NALF1: variants seen among roughly 807,000 people sequenced by gnomAD.
The protein encoded by NALF1 is family with sequence similarity 155 member A.
In NALF1, 3 loss-of-function variants were observed where a neutral mutation model predicts 48.4. The observed-to-expected ratio is 0.06, with a 90% confidence interval of 0.03 to 0.16. NALF1 has a LOEUF of 0.16. Among genes scored for constraint, NALF1 ranks in the 10% least tolerant of loss-of-function variants. NALF1 has a pLI of 1.00. For missense variants in NALF1, 526 were observed against 571.5 expected (o/e 0.92, Z 0.81); for synonymous variants, 262 against 245.7 (o/e 1.07, Z -0.62).
rs764699317 is a variant in NALF1 at position 107,866,146 on chromosome 13, CGTCTTTGCCTCGGTT to C, written c.436_450del (p.Asn146_Asp150del). The C allele has an allele frequency of 1.2e-6, 2 of 1,610,556 alleles. No homozygotes were observed. Among genetic ancestry groups the C allele is most frequent in the Non-Finnish European group, 8.5e-7 (1 of 1,178,952 alleles). ...CCTAGAAAAAGAGCCTTGCCCCGGT[CGTCTTTGCCTCGGTT>C]GCCCTTGCCGCCGCCGCCGCCGCCG... On this transcript the variant is annotated inframe_deletion, in exon 1 of 3. Coordinates refer to ENST00000375915, the MANE Select transcript of NALF1 (RefSeq NM_001080396.3). This position sits in a 1 kb window ranked among gnomAD's most constrained non-coding sequence, Gnocchi z 4.4.
At chr13:107,503,196 T>C (rs1038289151) in intron 1 of NALF1, among the ~76,000 whole-genome samples, 6 of 152,238 alleles carry the variant, frequency 3.9e-5, no homozygotes, top group Admixed American at 3.3e-4. Context: ...CATTTGAAAC[T>C]GTGGCCTTTG....
rs1880753151 is a variant in NALF1 at position 107,866,894 on chromosome 13, A to G, written c.-298T>C. 7.2e-6 allele frequency among the ~76,000 whole-genome samples: 1 copy of G among 138,844 alleles called. No individual in the cohort carries two copies. The highest frequency in any genetic ancestry group is 2.5e-5 in the African/African-American group (1 of 40,622). 91.1% of individuals were successfully genotyped at this position (138,844 alleles called of 152,430 possible). On this transcript the variant is annotated 5_prime_UTR_variant, in exon 1 of 3. Coordinates refer to ENST00000375915, the MANE Select transcript of NALF1 (RefSeq NM_001080396.3). This position sits in a 1 kb window ranked among gnomAD's most constrained non-coding sequence, Gnocchi z 4.4. ...CCCATCCTCTGTAGAGTGGGAAACA[A>G]TAATGGAGAGAGAGAGAGAGAGAGA...
intron 1 of NALF1, among the ~76,000 whole-genome samples, chr13:107,561,019 G>A (rs991169612): frequency 2.0e-5 from 3 of 152,038 alleles, no homozygotes; most frequent in Non-Finnish European, 2.9e-5. Context: ...CATTATACAC[G>A]TGTTCTAAGT....
At chr13:107,378,357 G>GTAA (rs1883375396) in intron 1 of NALF1, among the ~76,000 whole-genome samples, 2 of 151,540 alleles carry the variant, frequency 1.3e-5, no homozygotes. Context: ...TTATTACAAT[G>GTAA]TAATTGATTT....
At chr13:107,581,994 T>TA (rs1280400007) in intron 1 of NALF1, among the ~76,000 whole-genome samples, 1 of 152,192 alleles carries the variant, frequency 6.6e-6, no homozygotes, top group African/African-American at 2.4e-5. Flanking sequence ...TACTCCAGAA[T>TA]TATAGGCTTG....
At chr13:107,181,662 T>A (rs1291262266) in intron 2 of NALF1, among the ~76,000 whole-genome samples, 2 of 151,176 alleles carry the variant, frequency 1.3e-5, no homozygotes, top group Non-Finnish European at 3.0e-5. Context: ...GCTTAATCGC[T>A]ATTTTAATGT....
intron 2 of NALF1, among the ~76,000 whole-genome samples, chr13:107,172,888 A>AG (rs1878835177): frequency 6.6e-6 from 1 of 152,202 alleles, no homozygotes; most frequent in Admixed American, 6.5e-5. Context: ...CAGTCATCGC[A>AG]GAAAAAAAAA....
chr13:107,524,076 C>A (rs1046765112), intron 1 of NALF1, among the ~76,000 whole-genome samples: 1 of 152,094 alleles, frequency 6.6e-6, no homozygotes, highest in Non-Finnish European at 1.5e-5. Context: ...CCTCTCTATA[C>A]ATATTTTTAA....
At chr13:107,516,785 G>A (rs1876067551) in intron 1 of NALF1, among the ~76,000 whole-genome samples, 1 of 152,140 alleles carries the variant, frequency 6.6e-6, no homozygotes, top group African/African-American at 2.4e-5. Context: ...TGTCTCGTGA[G>A]GGATTTACTA....
chr13:107,199,975 G>A (rs890272203), intron 2 of NALF1, among the ~76,000 whole-genome samples: 3 of 149,828 alleles, frequency 2.0e-5, no homozygotes, highest in African/African-American at 7.6e-5. Context: ...TCAAAGGACG[G>A]AGTTGCTACT....
chr13:107,720,926 C>T (rs531246108), intron 1 of NALF1, among the ~76,000 whole-genome samples: 5 of 152,116 alleles, frequency 3.3e-5, no homozygotes, highest in African/African-American at 4.8e-5. Context: ...TGTGTACAGC[C>T]GCATCTGATC....
chr13:107,437,807 ATTAAC>A (rs991961222), intron 1 of NALF1, among the ~76,000 whole-genome samples: 45 of 152,332 alleles, frequency 3.0e-4, no homozygotes, highest in African/African-American at 9.9e-4. Flanking sequence ...AAAATACAGT[ATTAAC>A]TTAAGATTTG....
At chr13:107,750,153 C>G (rs1280858068) in intron 1 of NALF1, among the ~76,000 whole-genome samples, 1 of 152,138 alleles carries the variant, frequency 6.6e-6, no homozygotes, top group Non-Finnish European at 1.5e-5. Flanking sequence ...ACTAACCTCA[C>G]AGTCAGTGCA....
chr13:107,417,013 G>A (rs1395313395), intron 1 of NALF1, among the ~76,000 whole-genome samples: 3 of 152,180 alleles, frequency 2.0e-5, no homozygotes, highest in Non-Finnish European at 4.4e-5. Flanking sequence ...GGCACCTTGT[G>A]CCAACTTTCA....
chr13:107,287,704 TTC>T lies in NALF1; in HGVS notation c.916-76951_916-76950del, dbSNP rs1380077937. 1.9e-4 allele frequency among the ~76,000 whole-genome samples: 18 copies of T among 95,438 alleles called. No individual in the cohort carries two copies. The East Asian group carries it at 2.0e-3, about 10-fold the overall frequency. 62.6% of individuals were successfully genotyped at this position (95,438 alleles called of 152,430 possible). A position where few individuals can be genotyped will look rare whatever the true frequency, so the allele number is the denominator to read the frequency against. On this transcript the variant is annotated intron_variant, in intron 1 of 2. Transcript: ENST00000375915. ...TTTCTTTTCCTTTCTTTTCTTTTCT[TTC>T]TTTTTTTTTTTTTTTTTGAGACAGA...
chr13:107,724,214 G>A (rs1176011116), intron 1 of NALF1, among the ~76,000 whole-genome samples: 1 of 151,832 alleles, frequency 6.6e-6, no homozygotes, highest in Non-Finnish European at 1.5e-5. Context: ...TTTAAGATCT[G>A]CTTTTGTCAA....
chr13:107,432,819 T>C (rs1229828995), intron 1 of NALF1, among the ~76,000 whole-genome samples: 2 of 152,206 alleles, frequency 1.3e-5, no homozygotes, highest in African/African-American at 4.8e-5. Context: ...ATTCATAACT[T>C]CAGATTATGA....
chr13:107,592,517 G>C (rs900370129), intron 1 of NALF1, among the ~76,000 whole-genome samples: 3 of 151,806 alleles, frequency 2.0e-5, no homozygotes, highest in African/African-American at 7.2e-5. Flanking sequence ...CTAAGAAGAA[G>C]GGAAGTACTG....
intron 1 of NALF1, among the ~76,000 whole-genome samples, chr13:107,795,713 A>G (rs972842203): frequency 2.6e-5 from 4 of 152,160 alleles, no homozygotes; most frequent in Non-Finnish European, 2.9e-5. Flanking sequence ...GAATTTTACA[A>G]TTTGCAAGCA....
Sources: gnomAD v4.1 joint callset for allele counts (sites outside exome capture counted in the v4.1 genomes callset) on GRCh38, gnomAD v4.1.1 for gene constraint, Gnocchi (gnomAD v3.1) non-coding constraint, MANE v1.5 for transcripts, NCBI Gene and HGNC (gene_info 2026-07-23, HGNC 2026-07-21) for gene names.